The following POMT2 variants were observed in gnomAD, a reference collection of about 807,000 sequenced individuals.
The protein encoded by POMT2 is protein O-mannosyl-transferase 2.
Under a neutral mutation model 100.0 loss-of-function variants are expected in POMT2, and 75 were observed. The ratio of observed to expected loss-of-function variants is 0.75; its 90% CI spans 0.62 to 0.91. POMT2 has a LOEUF of 0.91. POMT2 is among the 40% of genes least tolerant of loss of function. The pLI, the probability that POMT2 is intolerant of heterozygous loss-of-function variation, is 0.00. For missense variants in POMT2, 940 were observed against 955.1 expected (o/e 0.98, Z 0.21); for synonymous variants, 378 against 374.1 (o/e 1.01, Z -0.12).
chr14:77,281,270 C>T (rs1039127806), intron 15 of POMT2, among the ~76,000 whole-genome samples: 3 of 152,152 alleles, frequency 2.0e-5, no homozygotes, highest in African/African-American at 4.8e-5. Flanking sequence ...CCACTACTGC[C>T]CCTCTACCAG....
intron 6 of POMT2, chr14:77,299,868 T>C (rs1464579554): frequency 1.1e-5 from 4 of 377,922 alleles, no homozygotes; most frequent in Admixed American, 3.7e-5. Flanking sequence ...GTCCGCTCCA[T>C]GTTCCAGGTA....
chr14:77,309,734 G>A (rs1891371798), intron 2 of POMT2, among the ~76,000 whole-genome samples: 2 of 152,066 alleles, frequency 1.3e-5, no homozygotes, highest in African/African-American at 4.8e-5. Context: ...CCAGGCTGGA[G>A]TGCAGTGGCA....
intron 2 of POMT2, among the ~76,000 whole-genome samples, chr14:77,307,880 T>TTTG (rs1891281636): frequency 6.7e-6 from 1 of 148,466 alleles, no homozygotes; most frequent in African/African-American, 2.5e-5. Context: ...TTTTTTTTTT[T>TTTG]GAGACAGAGT....
At chr14:77,313,715 C>T (rs779980205) in intron 1 of POMT2, among the ~76,000 whole-genome samples, 7 of 151,914 alleles carry the variant, frequency 4.6e-5, no homozygotes, top group Non-Finnish European at 8.8e-5. Context: ...TTTGTTTTTG[C>T]TTGTTTTTTG....
chr14:77,298,716 T>C lies in POMT2; in HGVS notation c.979A>G (p.Asn327Asp). The change falls in exon 8 of 21, where the codon AAC (asparagine) becomes GAC (aspartate). Residue 327 changes from asparagine (N) to aspartate (D), a missense_variant. By Grantham distance (23) the Asn-to-Asp change is conservative. Coordinates refer to ENST00000261534, the MANE Select transcript of POMT2 (RefSeq NM_013382.7). ...TCAGGGATGGAAGCATTGTGCAGGT[T>C]GTTCCCTGAAAGCCGGGCCTGGAAG... ...SAFQARLSGNNLHNASIPEHL... is the reference protein window; with the variant it reads ...SAFQARLSGNDLHNASIPEHL... 6.2e-7 allele frequency: 1 copy of C among 1,613,840 alleles called. No homozygotes were observed. Among genetic ancestry groups the C allele is most frequent in the Non-Finnish European group, 8.5e-7 (1 of 1,179,886 alleles).
chr14:77,320,671 G>A lies in POMT2; in HGVS notation c.11C>T (p.Ala4Val). The change falls in exon 1 of 21, where the codon GCC becomes GTC. Residue 4 changes from alanine (A) to valine (V), a missense_variant. Ala to Val is a moderately conservative substitution (Grantham distance 64). Transcript: ENST00000261534. MPPATGGGLAESEL... is the reference protein window; with the variant it reads MPPVTGGGLAESEL... ...GGACTCTGCCAGGCCTCCGCCCGTG[G>A]CCGGCGGCATCTTCCCCCTCCTCTG... The A allele has an allele frequency of 1.3e-6, 2 of 1,593,362 alleles. No homozygotes were observed. Among genetic ancestry groups the A allele is most frequent in the Non-Finnish European group, 1.7e-6 (2 of 1,178,040 alleles).
At chr14:77,293,190 A>G (rs1419311095) in intron 9 of POMT2, among the ~76,000 whole-genome samples, 1 of 152,220 alleles carries the variant, frequency 6.6e-6, no homozygotes. Context: ...AAAGCTCGAT[A>G]TCGTCCATCC....
chr14:77,302,686 C>T (rs1165283081), intron 5 of POMT2, 149 bp downstream of exon 5: 17 of 675,182 alleles, frequency 2.5e-5, no homozygotes, highest in Non-Finnish European at 3.6e-5. Flanking sequence ...AATGGACAAT[C>T]TAAGTTAAAA....
chr14:77,290,471 T>C (rs969115354), intron 10 of POMT2, among the ~76,000 whole-genome samples: 7 of 152,238 alleles, frequency 4.6e-5, no homozygotes, highest in African/African-American at 1.7e-4. Flanking sequence ...GGTGAGCAGC[T>C]GCCCATTTCT....
intron 18 of POMT2, 174 bp downstream of exon 18, chr14:77,279,649 G>A: frequency 1.4e-6 from 1 of 725,030 alleles, no homozygotes; most frequent in Non-Finnish European, 2.5e-6. Context: ...GAAGTAAAGT[G>A]TTTAACACAG....
Position 77,311,976 on chromosome 14 carries a change from G to C in POMT2, c.306C>G (p.Phe102Leu). ...TTCCCAGGGGCGGGTGCACATCAAA[G>C]AAAAATGTACGGTTGATATAGTAAC... ...MGSYYINRTF[F>L]FDVHPPLGKM... The change falls in exon 2 of 21, where the codon TTC (phenylalanine) becomes TTG (leucine). Residue 102 changes from phenylalanine (F) to leucine (L), a missense_variant. Coordinates refer to ENST00000261534, the MANE Select transcript of POMT2 (RefSeq NM_013382.7). 6.2e-7 allele frequency: 1 copy of C among 1,612,562 alleles called. No homozygotes were observed. Among genetic ancestry groups the C allele is most frequent in the Non-Finnish European group, 8.5e-7 (1 of 1,178,804 alleles).
Position 77,278,710 on chromosome 14 carries a change from C to A in POMT2, c.2032+19G>T, listed in dbSNP as rs1300533131. On this transcript the variant is annotated intron_variant, in intron 19 of 20. Coordinates refer to ENST00000261534, the MANE Select transcript of POMT2 (RefSeq NM_013382.7). The stretch of plus-strand genomic sequence containing the variant: ...CCTCCACCTGCTCTGTCTCCCAAGT[C>A]CAGGTGGGTGGCACTGACCTGTCAA... The A allele has an allele frequency of 6.2e-7, 1 of 1,613,682 alleles. No individual in the cohort carries two copies. Among genetic ancestry groups the A allele is most frequent in the Non-Finnish European group, 8.5e-7 (1 of 1,179,890 alleles).
intron 1 of POMT2, chr14:77,319,483 C>A (rs141478318): frequency 6.0e-4 from 91 of 152,290 alleles, no homozygotes; most frequent in African/African-American, 1.9e-3. Context: ...GAATGCAAGG[C>A]CCTGACTGCA....
At chr14:77,302,102 C>G (rs574772371) in intron 5 of POMT2, among the ~76,000 whole-genome samples, 65 of 152,322 alleles carry the variant, frequency 4.3e-4, no homozygotes, top group African/African-American at 1.5e-3. Context: ...TTGATTAGCA[C>G]AATGGAGCTT....
chr14:77,278,663 C>G (rs1890077820), intron 19 of POMT2, 66 bp downstream of exon 19: 4 of 1,598,490 alleles, frequency 2.5e-6, no homozygotes, highest in Non-Finnish European at 2.6e-6. Context: ...ACTCCCAGCA[C>G]TGCTGCCCAA....
At chr14:77,301,921 C>T (rs546178844) in intron 5 of POMT2, among the ~76,000 whole-genome samples, 85 of 152,306 alleles carry the variant, frequency 5.6e-4, no homozygotes, top group African/African-American at 2.0e-3. Context: ...CTGGCTGCCT[C>T]CTCTGCCAGA....
At chr14:77,307,337 G>C (rs959936656) in intron 2 of POMT2, among the ~76,000 whole-genome samples, 3 of 152,220 alleles carry the variant, frequency 2.0e-5, no homozygotes, top group Non-Finnish European at 4.4e-5. Context: ...CATGGATTTA[G>C]ACTACTAACC....
chr14:77,285,525 G>A lies in POMT2; in HGVS notation c.1440C>T (p.Val480=). The A allele has an allele frequency of 6.2e-7, 1 of 1,614,180 alleles. No homozygotes were observed. The highest frequency in any genetic ancestry group is 8.5e-7 in the Non-Finnish European group (1 of 1,180,052). The part of the protein sequence containing the change: ...LRSRIRFIHL[V]TGCVLGSSGK... The stretch of plus-strand genomic sequence containing the variant: ...CCGAGGAGCCCAGGACACAACCTGT[G>A]ACCAAATGGATGAAGCGAATTCGAC... The change falls in exon 13 of 21, where the codon GTC becomes GTT. Residue 480 remains valine, a synonymous_variant. Coordinates refer to ENST00000261534, the MANE Select transcript of POMT2 (RefSeq NM_013382.7).
In POMT2 at chr14:77,306,448, A is replaced by G; in HGVS notation, c.334-7T>C. The G allele has an allele frequency of 6.2e-7, 1 of 1,611,776 alleles. No individual in the cohort carries two copies. The highest frequency in any genetic ancestry group is 8.5e-7 in the Non-Finnish European group (1 of 1,178,066). On this transcript the variant is annotated splice_polypyrimidine_tract_variant and splice_region_variant and intron_variant, in intron 2 of 20. Transcript: ENST00000261534. ...CAGCAAGACCTATCAGCATCTGAGGAGAGAAGAACAAACAAAAAGATGAGA... is the reference window on the plus strand; with the variant it reads ...CAGCAAGACCTATCAGCATCTGAGGGGAGAAGAACAAACAAAAAGATGAGA...
Sources: allele counts gnomAD v4.1 joint callset (sites outside exome capture counted in the v4.1 genomes callset), GRCh38; gene constraint gnomAD v4.1.1; transcripts MANE v1.5; gene names NCBI Gene and HGNC (gene_info 2026-07-23, HGNC 2026-07-21).